Variants in LONRF2 observed in about 807,000 individuals in gnomAD.
LONRF2 encodes LON peptidase N-terminal domain and ring finger 2.
A neutral mutation model predicts 66.6 loss-of-function variants in LONRF2; 35 were observed. The observed-to-expected ratio is 0.53, with a 90% CI of 0.40 to 0.70. The LOEUF (loss-of-function observed/expected upper bound fraction) is 0.70. Among genes scored for constraint, LONRF2 ranks in the 30% least tolerant of loss-of-function variants. The probability of loss-of-function intolerance (pLI) is 0.00; values close to 1 mark genes in which losing one functional copy is unlikely to be tolerated. For synonymous variants in LONRF2, 417 were observed against 418.1 expected (o/e 1.00, Z 0.03); for missense variants, 902 against 1,002.1 (o/e 0.90, Z 1.35).
chr2:100,319,778 G>A (rs755316638), intron 1 of LONRF2, among the ~76,000 whole-genome samples: 2 of 152,078 alleles, frequency 1.3e-5, no homozygotes, highest in Non-Finnish European at 2.9e-5. Context: ...TGCACTTTTG[G>A]GGTATCTCTA....
rs1397051508 is a variant in LONRF2 at position 100,283,652 on chromosome 2, T to G, written c.*646A>C. 1.3e-5 allele frequency: 2 copies of G among 152,208 alleles called. No individual in the cohort carries two copies. Among genetic ancestry groups the G allele is most frequent in the Non-Finnish European group, 2.9e-5 (2 of 68,044 alleles). 9.4% of individuals were successfully genotyped at this position (152,208 alleles called of 1,614,324 possible). On this transcript the variant is annotated 3_prime_UTR_variant, in exon 12 of 12. Transcript: ENST00000393437. ...ATATCCAAGGTATACTTTCTTATGT[T>G]TTGACATTCGTTTGATTACAACATG...
chr2:100,314,648 T>C (rs1479807604), intron 1 of LONRF2, among the ~76,000 whole-genome samples: 2 of 152,202 alleles, frequency 1.3e-5, no homozygotes, highest in Non-Finnish European at 1.5e-5. Flanking sequence ...CCCAAGTCCT[T>C]GAAAACAGTC....
chr2:100,302,093 G>A (rs1037019326), intron 3 of LONRF2, among the ~76,000 whole-genome samples: 6 of 152,166 alleles, frequency 3.9e-5, no homozygotes, highest in African/African-American at 1.2e-4. Flanking sequence ...GTGAACACAA[G>A]TGAAGGTAAA....
chr2:100,287,096 C>A, intron 10 of LONRF2, 33 bp from the exon 11 acceptor site: 1 of 1,604,558 alleles, frequency 6.2e-7, no homozygotes, highest in Non-Finnish European at 8.5e-7. Flanking sequence ...CTGTGTGAAC[C>A]ATTCACAGTA....
In LONRF2 at chr2:100,309,122, T is replaced by TTG; in HGVS notation, c.782_783insCA (p.Glu261AspfsTer5). 6.3e-7 allele frequency: 1 copy of TTG among 1,591,238 alleles called. No individual in the cohort carries two copies. The highest frequency in any genetic ancestry group is 8.5e-7 in the Non-Finnish European group (1 of 1,170,758). ...ATACAAATACCTTAATCAAGAGAGGTTCATTCTGACAAGCTGCACTGGCAT... is the reference window on the plus strand; with the variant it reads ...ATACAAATACCTTAATCAAGAGAGGTTGTCATTCTGACAAGCTGCACTGGCAT... On this transcript the variant is annotated frameshift_variant, in exon 2 of 12. Transcript: ENST00000393437. LOFTEE classifies it high-confidence loss of function.
intron 9 of LONRF2, 117 bp downstream of exon 9, chr2:100,294,111 TG>T: frequency 8.4e-7 from 1 of 1,191,980 alleles, no homozygotes; most frequent in Non-Finnish European, 1.2e-6. Flanking sequence ...ACTTGGACTT[TG>T]TTACGTAACG....
chr2:100,320,836 T>C (rs1015113946), intron 1 of LONRF2, among the ~76,000 whole-genome samples: 3 of 152,100 alleles, frequency 2.0e-5, no homozygotes, highest in African/African-American at 7.2e-5. Context: ...AATGACTGAA[T>C]GAACAATTTA....
intron 10 of LONRF2, among the ~76,000 whole-genome samples, chr2:100,287,418 CAA>C (rs1674869732): frequency 6.6e-6 from 1 of 152,068 alleles, no homozygotes; most frequent in Non-Finnish European, 1.5e-5. Flanking sequence ...AAAAATAACA[CAA>C]TAATATAAAC....
chr2:100,302,863 T>A (rs1675212952), intron 3 of LONRF2, 58 bp downstream of exon 3: 2 of 1,443,866 alleles, frequency 1.4e-6, no homozygotes, highest in South Asian at 1.6e-5. Flanking sequence ...TTACTCAGCA[T>A]GGACATGAAG....
rs1426674799 is a variant in LONRF2, at chr2:100,322,212, T to TCTGGGGGCGGCGCG, written c.-133_-120dup. 2.0e-6 allele frequency: 2 copies of TCTGGGGGCGGCGCG among 1,004,146 alleles called. No individual in the cohort carries two copies. Among genetic ancestry groups the TCTGGGGGCGGCGCG allele is most frequent in the African/African-American group, 3.4e-5 (2 of 58,230 alleles). 62.2% of individuals were successfully genotyped at this position (1,004,146 alleles called of 1,614,324 possible). A position where few individuals can be genotyped will look rare whatever the true frequency, so the allele number is the denominator to read the frequency against. ...CAGCCCTCGCCAGCAGCCACGCGCG[T>TCTGGGGGCGGCGCG]CTGGGGGCGGCGCGCTGCGAGCGGC... is the stretch of plus-strand genomic sequence containing the variant. On this transcript the variant is annotated 5_prime_UTR_variant, in exon 1 of 12. Transcript: ENST00000393437.
In LONRF2 at chr2:100,281,972, T is replaced by C. The variant is rs1003326733; in HGVS notation, c.*2326A>G. ...CCCTGACCCGGTTCCTGATGCGTGA[T>C]GTTTCTAAGTGCTCAGTAAGTACCA... is the stretch of plus-strand genomic sequence containing the variant. On this transcript the variant is annotated 3_prime_UTR_variant, in exon 12 of 12. Transcript: ENST00000393437. 2.0e-5 allele frequency: 3 copies of C among 151,962 alleles called. No individual in the cohort carries two copies. The highest frequency in any genetic ancestry group is 4.8e-5 in the African/African-American group (2 of 41,336). 9.4% of individuals were successfully genotyped at this position (151,962 alleles called of 1,614,324 possible).
intron 1 of LONRF2, among the ~76,000 whole-genome samples, chr2:100,315,268 A>G (rs930299720): frequency 6.6e-6 from 1 of 151,578 alleles, no homozygotes; most frequent in African/African-American, 2.4e-5. Flanking sequence ...TTCTAAGTAT[A>G]TAGTTATGTT....
Position 100,283,377 on chromosome 2 carries a change from A to T in LONRF2, c.*921T>A, listed in dbSNP as rs1674778911. On this transcript the variant is annotated 3_prime_UTR_variant, in exon 12 of 12. Transcript: ENST00000393437. ...TTTTTAATGTTTTTGTATATTAATA[A>T]ATGGATAGTAAACTGAAATTTACTG... The T allele has an allele frequency of 6.6e-6, 1 of 152,208 alleles. No individual in the cohort carries two copies. Among genetic ancestry groups the T allele is most frequent in the Non-Finnish European group, 1.5e-5 (1 of 68,044 alleles). The allele number at this position is 152,208 out of a possible 1,614,324, so 9.4% of individuals were successfully genotyped here.
chr2:100,302,808 A>G (rs1675211772), intron 3 of LONRF2, 113 bp downstream of exon 3: 1 of 1,095,550 alleles, frequency 9.1e-7, no homozygotes, highest in Non-Finnish European at 1.2e-6. Flanking sequence ...TTGCATTATC[A>G]CGAACATTCA....
chr2:100,309,196 G>A lies in LONRF2; in HGVS notation c.709C>T (p.Arg237Trp), dbSNP rs1199079623. 5.6e-6 allele frequency: 9 copies of A among 1,607,056 alleles called. No individual in the cohort carries two copies. Among genetic ancestry groups the A allele is most frequent in the South Asian group, 1.1e-5 (1 of 89,260 alleles). The change falls in exon 2 of 12, where the codon CGG (arginine) becomes TGG (tryptophan). Residue 237 changes from arginine (R) to tryptophan (W), a missense_variant. Coordinates refer to ENST00000393437, the MANE Select transcript of LONRF2 (RefSeq NM_198461.4). ...APDDNSLLLL[R>W]AELYLTMKNY... ...TTCATGGTCAAATATAACTCCGCCC[G>A]CAGCAGCAATAATGAATTATCATCA...
At chr2:100,317,022 T>C (rs1675522391) in intron 1 of LONRF2, among the ~76,000 whole-genome samples, 1 of 152,354 alleles carries the variant, frequency 6.6e-6, no homozygotes, top group South Asian at 2.1e-4. Flanking sequence ...TCAGTCTTTG[T>C]TGCCATCCTA....
rs922481716 is a variant in LONRF2, at chr2:100,281,747, T to C, written c.*2551A>G. ...ACAATTAAGCTGGAATGTCCTGACATTGAATGAGAGATTACATTATTTTCT... is the reference window on the plus strand; with the variant it reads ...ACAATTAAGCTGGAATGTCCTGACACTGAATGAGAGATTACATTATTTTCT... On this transcript the variant is annotated 3_prime_UTR_variant, in exon 12 of 12. Transcript: ENST00000393437. 1.3e-5 allele frequency: 2 copies of C among 152,166 alleles called. No individual in the cohort carries two copies. The highest frequency in any genetic ancestry group is 2.9e-5 in the Non-Finnish European group (2 of 68,032). 9.4% of individuals were successfully genotyped at this position (152,166 alleles called of 1,614,324 possible).
chr2:100,284,063 T>C lies in LONRF2; in HGVS notation c.*235A>G. 5 of 415,622 alleles carry C rather than the reference T, an allele frequency of 1.2e-5. No individual in the cohort carries two copies. The highest frequency in any genetic ancestry group is 2.2e-5 in the Non-Finnish European group (5 of 232,356). The allele number at this position is 415,622 out of a possible 1,614,324, so 25.7% of individuals were successfully genotyped here. On this transcript the variant is annotated 3_prime_UTR_variant, in exon 12 of 12. Transcript: ENST00000393437. ...AGCACCTGCTTCTAAGAGATTTTCT[T>C]AGGTTGTTTTCCAACTATGGGCTCC... is the stretch of plus-strand genomic sequence containing the variant.
At chr2:100,296,103 G>T (rs549809907) in intron 7 of LONRF2, among the ~76,000 whole-genome samples, 1 of 152,022 alleles carries the variant, frequency 6.6e-6, no homozygotes, top group African/African-American at 2.4e-5. Flanking sequence ...GGATTAAAGC[G>T]GGATGTGAAG....
Sources: allele counts gnomAD v4.1 joint callset (sites outside exome capture counted in the v4.1 genomes callset), GRCh38; gene constraint gnomAD v4.1.1; transcripts MANE v1.5; gene names NCBI Gene and HGNC (gene_info 2026-07-23, HGNC 2026-07-21).